Variants in FAM228B observed in about 807,000 individuals in gnomAD.
FAM228B encodes protein FAM228B.
Under a neutral mutation model 42.6 loss-of-function variants are expected in FAM228B, and 38 were observed. That is an observed-to-expected ratio of 0.89 (90% CI 0.69 to 1.17). FAM228B has a LOEUF of 1.17. Ranked by LOEUF, FAM228B falls within the 50% of genes most tolerant of loss-of-function variation. The probability of loss-of-function intolerance (pLI) is 0.00; values close to 1 mark genes in which losing one functional copy is unlikely to be tolerated. For missense variants in FAM228B, 344 were observed against 367.3 expected, an observed-to-expected ratio of 0.94 and a Z score of 0.52; for synonymous variants, 109 against 122.3, an observed-to-expected ratio of 0.89 and a Z score of 0.72.
rs36207096 is a variant in FAM228B, at chr2:24,084,379, G to A, written c.-210+3424G>A. 47 of 1,382,470 alleles carry A rather than the reference G, an allele frequency of 3.4e-5. No homozygotes were observed. The highest frequency in any genetic ancestry group is 4.4e-5 in the Non-Finnish European group (44 of 992,142). The allele number at this position is 1,382,470 out of a possible 1,614,324, so 85.6% of individuals were successfully genotyped here. A position where few individuals can be genotyped will look rare whatever the true frequency, so the allele number is the denominator to read the frequency against. The stretch of plus-strand genomic sequence containing the variant: ...GGCAGGACAGGACAGGGCAGGGCAG[G>A]GCAGGACAGGACAGGGCAGGGCAGG... On this transcript the variant is annotated intron_variant, in intron 2 of 10. Transcript: ENST00000613899. This position sits in a 1 kb window ranked among gnomAD's most constrained non-coding sequence, Gnocchi z 8.4.
At chr2:24,117,047 G>A (rs571986184) in intron 3 of FAM228B, among the ~76,000 whole-genome samples, 13 of 131,546 alleles carry the variant, frequency 9.9e-5, no homozygotes, top group East Asian at 2.2e-4. Context: ...ACAGAGTCTC[G>A]CTCTGTCATC....
intron 7 of FAM228B, among the ~76,000 whole-genome samples, chr2:24,152,326 C>T (rs900382484): frequency 6.6e-6 from 1 of 152,156 alleles, no homozygotes; most frequent in Non-Finnish European, 1.5e-5. Context: ...CAGGATTGGT[C>T]CCTAGTGCCT....
At chr2:24,081,842 C>T (rs1665018166) in intron 2 of FAM228B, among the ~76,000 whole-genome samples, 1 of 151,808 alleles carries the variant, frequency 6.6e-6, no homozygotes, top group South Asian at 2.1e-4. Context: ...ACTACAGGTG[C>T]CCACCACCAC....
Position 24,169,387 on chromosome 2 carries a change from C to G in FAM228B, c.*46C>G, listed in dbSNP as rs758104658. 1.1e-4 allele frequency: 50 copies of G among 466,474 alleles called. No homozygotes were observed. The allele number at this position is 466,474 out of a possible 1,614,324, so 28.9% of individuals were successfully genotyped here. A position where few individuals can be genotyped will look rare whatever the true frequency, so the allele number is the denominator to read the frequency against. On this transcript the variant is annotated 3_prime_UTR_variant, in exon 11 of 11. Transcript: ENST00000615575. The surrounding 1 kb of genome is among the most constrained non-coding windows in gnomAD (Gnocchi z 4.2). ...GCAACCAAGGAGCACACACCCTGAT[C>G]CTTGATTGGTGAAAGGATACACAAA...
chr2:24,144,879 G>A (rs554254792), intron 5 of FAM228B, among the ~76,000 whole-genome samples: 1 of 152,266 alleles, frequency 6.6e-6, no homozygotes, highest in South Asian at 2.1e-4. Flanking sequence ...GGGGGCTAGG[G>A]GATTGCCCTG....
At chr2:24,137,633 T>C (rs554089094) in intron 3 of FAM228B, among the ~76,000 whole-genome samples, 4 of 152,242 alleles carry the variant, frequency 2.6e-5, no homozygotes, top group East Asian at 1.9e-4. Context: ...GCTGGAAATA[T>C]AGGCAGGCGC....
rs1029678840 is a variant in FAM228B at position 24,127,063 on chromosome 2, A to G, written c.99+2603A>G. Among the ~76,000 whole-genome samples, 5 of 151,436 alleles carry G rather than the reference A, an allele frequency of 3.3e-5. No homozygotes were observed. The East Asian group carries it at 9.7e-4, about 29-fold the overall frequency. On this transcript the variant is annotated intron_variant, in intron 2 of 10. Transcript: ENST00000615575. Reference sequence around the variant, plus strand: ...CTATCTAATTCCAGAACATTTCATCACCCCCAAAAAGAAACTTCACACCTT... The same window carrying G: ...CTATCTAATTCCAGAACATTTCATCGCCCCCAAAAAGAAACTTCACACCTT...
chr2:24,139,254 T>G (rs1234318744), intron 4 of FAM228B, 116 bp from the exon 5 acceptor site: 3 of 470,998 alleles, frequency 6.4e-6, no homozygotes, highest in Non-Finnish European at 1.1e-5. Context: ...CATTTGTCAC[T>G]GATGCTGCTT....
At chr2:24,150,130 G>T (rs1477345653) in intron 7 of FAM228B, among the ~76,000 whole-genome samples, 1 of 151,598 alleles carries the variant, frequency 6.6e-6, no homozygotes, top group East Asian at 1.9e-4. Context: ...AAGAGTATTT[G>T]CACACCACCA....
rs1367468211 is a variant in FAM228B at position 24,080,909 on chromosome 2, T to G, written c.-256T>G. ...CCAAGCTTTTCTGCCATTTGAAGCT[T>G]CTTCTGGGAGCCAGCTGTGACCAGA... On this transcript the variant is annotated 5_prime_UTR_variant, in exon 2 of 11. Transcript: ENST00000613899. The surrounding 1 kb of genome is among the most constrained non-coding windows in gnomAD (Gnocchi z 4.7). 5.0e-6 allele frequency: 8 copies of G among 1,614,230 alleles called. No individual in the cohort carries two copies. Among genetic ancestry groups the G allele is most frequent in the East Asian group, 4.5e-5 (2 of 44,886 alleles).
At chr2:24,134,740 C>T (rs1216185894) in intron 2 of FAM228B, among the ~76,000 whole-genome samples, 3 of 152,190 alleles carry the variant, frequency 2.0e-5, no homozygotes, top group African/African-American at 7.2e-5. Context: ...CACTTGAGGC[C>T]AGGAGTTTGA....
At position 24,084,120 on chromosome 2, in the gene FAM228B, T is replaced by C. The variant is rs969388185; in HGVS notation, c.-210+3165T>C. The C allele has an allele frequency of 2.0e-6, 3 of 1,536,452 alleles. No homozygotes were observed. In the African/African-American group the frequency reaches 4.1e-5, roughly 21 times the overall value. On this transcript the variant is annotated intron_variant, in intron 2 of 10. Transcript: ENST00000613899. The surrounding 1 kb of genome is among the most constrained non-coding windows in gnomAD (Gnocchi z 8.4). ...TGCACGCCTTCACGTCTGGTCAATG[T>C]CCACTGAGTGCTGTTGAGAGGGAGG... is the stretch of plus-strand genomic sequence containing the variant.
Position 24,083,131 on chromosome 2 carries a change from G to A in FAM228B, c.-210+2176G>A, listed in dbSNP as rs760058149. ...CCCAAAATGTTGCTGGCTCCTGGAG[G>A]TGGGTCATACTGGCCTTGTCTCTGC... On this transcript the variant is annotated intron_variant, in intron 2 of 10. Coordinates refer to the FAM228B transcript ENST00000613899. The A allele has an allele frequency of 1.6e-5, 25 of 1,612,700 alleles. No individual in the cohort carries two copies. The highest frequency in any genetic ancestry group is 2.0e-5 in the Non-Finnish European group (24 of 1,179,242).
chr2:24,147,042 A>G lies in FAM228B; in HGVS notation c.642A>G (p.Lys214=). The change falls in exon 7 of 11, where the codon AAA becomes AAG. Residue 214 remains lysine, a synonymous_variant. Transcript: ENST00000615575. ...RHFITPNEWL[K]LPTRYIESEF... Reference sequence around the variant, plus strand: ...TTATAACTCCAAACGAGTGGCTGAAACTGCCTACAAGATACATAGAAAGTG... The same window carrying G: ...TTATAACTCCAAACGAGTGGCTGAAGCTGCCTACAAGATACATAGAAAGTG... The G allele has an allele frequency of 1.3e-6, 2 of 1,551,390 alleles. No individual in the cohort carries two copies. Among genetic ancestry groups the G allele is most frequent in the Non-Finnish European group, 1.7e-6 (2 of 1,146,794 alleles).
chr2:24,083,289 G>A, intron 2 of FAM228B: 4 of 1,178,464 alleles, frequency 3.4e-6, no homozygotes, highest in African/African-American at 3.1e-5. Context: ...TTGTAAGTAA[G>A]GAGAAGAAAA....
At chr2:24,079,725 T>C in intron 1 of FAM228B, 1 of 1,313,328 alleles carries the variant, frequency 7.6e-7, no homozygotes, top group East Asian at 2.3e-5. Flanking sequence ...TGGATATAAA[T>C]ACAGATGCAA....
intron 3 of FAM228B, among the ~76,000 whole-genome samples, chr2:24,108,852 G>A (rs1224936137): frequency 6.8e-6 from 1 of 147,614 alleles, no homozygotes; most frequent in Non-Finnish European, 1.5e-5. Flanking sequence ...AGTGAGCCGA[G>A]ATTGCGCCAC....
intron 10 of FAM228B, chr2:24,167,899 A>G (rs1381224574): frequency 2.1e-6 from 1 of 469,822 alleles, no homozygotes. Flanking sequence ...GGTTTTTCTC[A>G]TGGGGCACTT....
At chr2:24,119,739 G>T, upstream of FAM228B, 1 of 1,322,282 alleles carries the variant, frequency 7.6e-7, no homozygotes, top group Non-Finnish European at 1.1e-6. Flanking sequence ...AGGACCAGTG[G>T]TCATGCTCCA....
Sources: gnomAD v4.1 joint callset for allele counts (sites outside exome capture counted in the v4.1 genomes callset) on GRCh38, gnomAD v4.1.1 for gene constraint, Gnocchi (gnomAD v3.1) non-coding constraint, MANE v1.5 for transcripts, NCBI Gene and HGNC (gene_info 2026-07-23, HGNC 2026-07-21) for gene names.